CRTAP: variants seen among roughly 807,000 people sequenced by gnomAD.
CRTAP encodes the protein cartilage-associated protein.
A neutral mutation model predicts 42.7 loss-of-function variants in CRTAP; 33 were observed. The observed-to-expected ratio is 0.77, with a 90% CI of 0.59 to 1.03. The LOEUF is 1.03. Among genes scored for constraint, CRTAP ranks in the 50% least tolerant of loss-of-function variants. CRTAP has a pLI of 0.00. For synonymous variants in CRTAP, 243 were observed against 217.7 expected (o/e 1.12, Z -1.02); for missense variants, 613 against 533.9 (o/e 1.15, Z -1.46).
intron 5 of CRTAP, among the ~76,000 whole-genome samples, chr3:33,133,793 G>A (rs1020076613): frequency 6.6e-6 from 1 of 152,064 alleles, no homozygotes; most frequent in East Asian, 1.9e-4. Flanking sequence ...TAATTCCCTT[G>A]ATAGGCAAAC....
intron 3 of CRTAP, among the ~76,000 whole-genome samples, chr3:33,127,140 A>G (rs1216150892): frequency 6.9e-6 from 1 of 144,438 alleles, no homozygotes; most frequent in African/African-American, 2.6e-5. Context: ...TATCTTATTT[A>G]GGAATAGGAT....
intron 1 of CRTAP, among the ~76,000 whole-genome samples, chr3:33,118,403 G>T (rs1450406884): frequency 7.9e-5 from 12 of 152,120 alleles, no homozygotes; most frequent in Non-Finnish European, 1.8e-4. Context: ...GAAGCTTTCT[G>T]TAGGGCTGTT....
Position 33,145,289 on chromosome 3 carries a change from G to A in CRTAP, c.*2841G>A, listed in dbSNP as rs2030691255. 2 of 152,370 alleles carry A rather than the reference G, an allele frequency of 1.3e-5. No individual in the cohort carries two copies. The highest frequency in any genetic ancestry group is 4.8e-5 in the African/African-American group (2 of 41,446). 9.4% of individuals were successfully genotyped at this position (152,370 alleles called of 1,614,324 possible). On this transcript the variant is annotated 3_prime_UTR_variant, in exon 7 of 7. Coordinates refer to ENST00000320954, the MANE Select transcript of CRTAP (RefSeq NM_006371.5). This position sits in a 1 kb window ranked among gnomAD's most constrained non-coding sequence, Gnocchi z 4.3. ...TCCCCTACCACTTCTGTCTTGGGCTGAAGTTGCCCACGTCCACAAAATCTG... is the reference window on the plus strand; with the variant it reads ...TCCCCTACCACTTCTGTCTTGGGCTAAAGTTGCCCACGTCCACAAAATCTG...
At position 33,121,973 on chromosome 3, in the gene CRTAP, A is replaced by G. The variant is rs1028138599; in HGVS notation, c.621+1480A>G. ...ATGCCTGCGCATGCCAATGGGACAT[A>G]TAGCTTGCTTCCCCTCTGGCCCCTC... On this transcript the variant is annotated intron_variant, in intron 2 of 6. Coordinates refer to ENST00000320954, the MANE Select transcript of CRTAP (RefSeq NM_006371.5). 3.3e-5 allele frequency among the ~76,000 whole-genome samples: 5 copies of G among 152,230 alleles called. No homozygotes were observed. In the South Asian group the frequency reaches 1.0e-3, roughly 32 times the overall value.
intron 1 of CRTAP, among the ~76,000 whole-genome samples, chr3:33,116,800 G>A (rs927871169): frequency 7.2e-5 from 11 of 152,154 alleles, no homozygotes; most frequent in Non-Finnish European, 1.5e-4. Context: ...ATTGTATGGT[G>A]TATTTTTTCT....
In CRTAP at chr3:33,114,802, C is replaced by T. The variant is rs77397972; in HGVS notation, c.471+254C>T. Reference sequence around the variant, plus strand: ...CAGAACGCAGTACAGCGCCAGGCACCCAACAAAGTGCCTGATAAATGTTCT... The same window carrying T: ...CAGAACGCAGTACAGCGCCAGGCACTCAACAAAGTGCCTGATAAATGTTCT... On this transcript the variant is annotated intron_variant, in intron 1 of 6. Transcript: ENST00000320954. Among the ~76,000 whole-genome samples the T allele has an allele frequency of 3.0e-3, 454 of 152,352 alleles. No homozygotes were observed. Among genetic ancestry groups the T allele is most frequent in the African/African-American group, 0.01 (430 of 41,564 alleles).
At chr3:33,120,244 A>T in intron 1 of CRTAP, 100 bp from the exon 2 acceptor site, 1 of 1,090,712 alleles carries the variant, frequency 9.2e-7, no homozygotes, top group Non-Finnish European at 1.4e-6. Context: ...GAAAAGTTAT[A>T]GCAACACAAA....
At chr3:33,133,638 A>AAAC (rs1360960998) in intron 5 of CRTAP, among the ~76,000 whole-genome samples, 1 of 145,408 alleles carries the variant, frequency 6.9e-6, no homozygotes, top group Non-Finnish European at 1.5e-5. Context: ...AAACAAGGTC[A>AAAC]TATTTACATA....
chr3:33,128,499 C>T (rs576168602), intron 3 of CRTAP, among the ~76,000 whole-genome samples: 34 of 151,976 alleles, frequency 2.2e-4, no homozygotes, highest in Admixed American at 8.5e-4. Flanking sequence ...TTGGCTGGAC[C>T]GCTATATAAA....
intron 1 of CRTAP, 49 bp downstream of exon 1, chr3:33,114,597 G>T (rs1045050044): frequency 6.6e-7 from 1 of 1,525,990 alleles, no homozygotes; most frequent in Non-Finnish European, 8.9e-7. Context: ...CCCTGACCCA[G>T]CCTCCAGGCC....
chr3:33,114,356 G>C lies in CRTAP; in HGVS notation c.279G>C (p.Gln93His). ...ACCGCAACTGCAGCGCCGCGCCGCAGCCCGAGCCCGCCGCCGGCCTCGCCA... is the reference window on the plus strand; with the variant it reads ...ACCGCAACTGCAGCGCCGCGCCGCACCCCGAGCCCGCCGCCGGCCTCGCCA... ...FCHRNCSAAP[Q>H]PEPAAGLASY... is the part of the protein sequence containing the mutation. Residue 93 changes from glutamine to histidine, a missense_variant, in exon 1 of 7, where the codon CAG becomes CAC. Transcript: ENST00000320954. The C allele has an allele frequency of 1.3e-6, 2 of 1,521,992 alleles. No homozygotes were observed. The highest frequency in any genetic ancestry group is 2.6e-5 in the East Asian group (1 of 39,022). The allele number at this position is 1,521,992 out of a possible 1,614,324, so 94.3% of individuals were successfully genotyped here.
At chr3:33,129,758 G>T (rs188802874) in intron 3 of CRTAP, among the ~76,000 whole-genome samples, 181 bp from the exon 4 acceptor site, 1 of 151,766 alleles carries the variant, frequency 6.6e-6, no homozygotes, top group South Asian at 2.1e-4. Flanking sequence ...GGATGGTCTC[G>T]ATCCTCCTGA....
At chr3:33,124,665 C>A in intron 3 of CRTAP, 86 bp downstream of exon 3, 1 of 1,503,380 alleles carries the variant, frequency 6.7e-7, no homozygotes, top group Non-Finnish European at 9.2e-7. Flanking sequence ...TGCTAGATGC[C>A]TGGAGCAGCC....
intron 2 of CRTAP, among the ~76,000 whole-genome samples, chr3:33,121,302 C>G (rs2029874216): frequency 6.6e-6 from 1 of 152,162 alleles, no homozygotes; most frequent in African/African-American, 2.4e-5. Context: ...AACCCAGCTA[C>G]TCGAGAGGCT....
At position 33,114,094 on chromosome 3, in the gene CRTAP, G is replaced by A. The variant is rs780490905; in HGVS notation, c.17G>A (p.Arg6Gln). ...CCGGGCGCGATGGAGCCGGGGCGCC[G>A]GGGGGCCGCGGCGCTGCTAGCGCTG... MEPGRRGAAALLALLC... is the reference protein window; with the variant it reads MEPGRQGAAALLALLC... The change falls in exon 1 of 7, where the codon CGG becomes CAG. Residue 6 changes from arginine (R) to glutamine (Q), a missense_variant. Physicochemically the swap from Arg to Gln is conservative, Grantham distance 43. Transcript: ENST00000320954. The A allele has an allele frequency of 2.1e-6, 3 of 1,459,816 alleles. No homozygotes were observed. The highest frequency in any genetic ancestry group is 2.6e-5 in the Admixed American group (1 of 38,440). The allele number at this position is 1,459,816 out of a possible 1,614,324, so 90.4% of individuals were successfully genotyped here. A position where few individuals can be genotyped will look rare whatever the true frequency, so the allele number is the denominator to read the frequency against.
chr3:33,114,568 T>C lies in CRTAP; in HGVS notation c.471+20T>C, dbSNP rs1559431565. On this transcript the variant is annotated intron_variant, in intron 1 of 6. Transcript: ENST00000320954. ...TTCAAGGCAAGTCCGCCTCGCCCCG[T>C]CCCAGGCCCCGGCCCCGCCCCTGAC... The C allele has an allele frequency of 6.4e-7, 1 of 1,558,742 alleles. No homozygotes were observed. The highest frequency in any genetic ancestry group is 2.4e-5 in the East Asian group (1 of 42,252).
chr3:33,134,088 C>T (rs2030350184), intron 5 of CRTAP, 94 bp from the exon 6 acceptor site: 8 of 844,934 alleles, frequency 9.5e-6, no homozygotes, highest in Admixed American at 1.7e-5. Flanking sequence ...ATTTTCATCA[C>T]CTTAGAAAAA....
chr3:33,130,239 C>T (rs1317841937), intron 4 of CRTAP, among the ~76,000 whole-genome samples, 172 bp downstream of exon 4: 1 of 152,206 alleles, frequency 6.6e-6, no homozygotes, highest in Non-Finnish European at 1.5e-5. Context: ...AGGGCAGAGC[C>T]TGTAACCACA....
chr3:33,123,634 T>G (rs1269090099), intron 2 of CRTAP, among the ~76,000 whole-genome samples: 2 of 144,796 alleles, frequency 1.4e-5, no homozygotes, highest in Non-Finnish European at 3.0e-5. Context: ...GGTTTTTTTT[T>G]TTTTTTTTTT....
Sources: allele counts gnomAD v4.1 joint callset (sites outside exome capture counted in the v4.1 genomes callset), GRCh38; gene constraint gnomAD v4.1.1; non-coding constraint Gnocchi (gnomAD v3.1); transcripts MANE v1.5; gene names NCBI Gene and HGNC (gene_info 2026-07-23, HGNC 2026-07-21).